Variants in RAP1A observed in about 807,000 individuals in gnomAD.
RAP1A encodes ras-related protein Rap-1A.
RAP1A carries 6 observed loss-of-function variants against 26.4 expected under a neutral mutation model. The ratio of observed to expected loss-of-function variants is 0.23; its 90% CI spans 0.12 to 0.45. The LOEUF is 0.45. Ranked by LOEUF, RAP1A falls within the 20% of genes least tolerant of loss-of-function variation. RAP1A has a pLI of 0.99. For synonymous variants in RAP1A, 73 were observed against 79.4 expected, an observed-to-expected ratio of 0.92 and a Z score of 0.43; for missense variants, 121 against 217.2, an observed-to-expected ratio of 0.56 and a Z score of 2.78.
intron 1 of RAP1A, chr1:111,600,036 T>C (rs1295959360): frequency 1.3e-5 from 2 of 155,594 alleles, no homozygotes; most frequent in Non-Finnish European, 1.4e-5. Flanking sequence ...TCCAAGATGA[T>C]TGTAAGCTTC....
At chr1:111,594,237 T>A (rs974581831) in intron 1 of RAP1A, among the ~76,000 whole-genome samples, 5 of 152,230 alleles carry the variant, frequency 3.3e-5, no homozygotes, top group African/African-American at 1.2e-4. Context: ...CTTTGGCAGC[T>A]AGAAAGAAAC....
chr1:111,702,230 A>G (rs996758976), intron 4 of RAP1A, among the ~76,000 whole-genome samples: 8 of 152,182 alleles, frequency 5.3e-5, no homozygotes, highest in African/African-American at 1.9e-4. Context: ...AAAAGATCCA[A>G]ACTGTATAGT....
intron 1 of RAP1A, among the ~76,000 whole-genome samples, chr1:111,605,711 A>C (rs1253937071): frequency 6.6e-6 from 1 of 152,192 alleles, no homozygotes; most frequent in Non-Finnish European, 1.5e-5. Context: ...GAACAAAGAA[A>C]ATTAGGCAAT....
chr1:111,646,819 G>A (rs184515101), intron 1 of RAP1A, among the ~76,000 whole-genome samples: 4 of 152,352 alleles, frequency 2.6e-5, no homozygotes, highest in East Asian at 1.9e-4. Flanking sequence ...GATTACAGGC[G>A]TGAGCCACCG....
At chr1:111,604,928 G>A (rs543861385) in intron 1 of RAP1A, among the ~76,000 whole-genome samples, 2 of 152,222 alleles carry the variant, frequency 1.3e-5, no homozygotes, top group African/African-American at 2.4e-5. Context: ...TTGCTTTGAG[G>A]TCTTTTGGGA....
intron 1 of RAP1A, among the ~76,000 whole-genome samples, chr1:111,687,366 C>A (rs982007009): frequency 6.6e-6 from 1 of 152,012 alleles, no homozygotes; most frequent in African/African-American, 2.4e-5. Context: ...TGCCACCATG[C>A]CCAGCTAATT....
intron 1 of RAP1A, among the ~76,000 whole-genome samples, chr1:111,596,231 TAA>T (rs916793145): frequency 6.7e-6 from 1 of 149,182 alleles, no homozygotes; most frequent in Non-Finnish European, 1.5e-5. Context: ...AGGATCCCTT[TAA>T]AAAAAAAATG....
chr1:111,646,315 C>T (rs1224745949), intron 1 of RAP1A, among the ~76,000 whole-genome samples: 1 of 151,256 alleles, frequency 6.6e-6, no homozygotes, highest in Non-Finnish European at 1.5e-5. Context: ...ATACCTCTGA[C>T]CATTTAATAG....
chr1:111,585,800 T>A (rs1658355535), intron 1 of RAP1A, among the ~76,000 whole-genome samples: 1 of 152,206 alleles, frequency 6.6e-6, no homozygotes, highest in African/African-American at 2.4e-5. Context: ...AAGACACATT[T>A]AATTATAAGA....
chr1:111,642,870 G>A (rs565729975), intron 1 of RAP1A, among the ~76,000 whole-genome samples: 1 of 145,464 alleles, frequency 6.9e-6, no homozygotes, highest in African/African-American at 2.6e-5. Flanking sequence ...CCTGGGTTCA[G>A]GTGATTCTCC....
chr1:111,606,844 AAG>A (rs1658793766), intron 1 of RAP1A, among the ~76,000 whole-genome samples: 1 of 152,206 alleles, frequency 6.6e-6, no homozygotes, highest in South Asian at 2.1e-4. Flanking sequence ...GTGAAATTTG[AAG>A]AGAGAACAAA....
At chr1:111,608,923 C>T (rs1032284996) in intron 1 of RAP1A, among the ~76,000 whole-genome samples, 3 of 152,212 alleles carry the variant, frequency 2.0e-5, no homozygotes, top group Non-Finnish European at 4.4e-5. Context: ...ATATCAATGT[C>T]TCACTGCTGA....
chr1:111,713,710 A>C lies in RAP1A; in HGVS notation c.*1309A>C, dbSNP rs1406213801. 1 of 152,218 alleles carries C rather than the reference A, an allele frequency of 6.6e-6. No homozygotes were observed. Among genetic ancestry groups the C allele is most frequent in the African/African-American group, 2.4e-5 (1 of 41,466 alleles). 9.4% of individuals were successfully genotyped at this position (152,218 alleles called of 1,614,324 possible). ...TGCTAAGTTAAAATTGTAGCTTCCTATATAGTGGTGCTTTTTCTTTTCCTT... is the reference window on the plus strand; with the variant it reads ...TGCTAAGTTAAAATTGTAGCTTCCTCTATAGTGGTGCTTTTTCTTTTCCTT... On this transcript the variant is annotated 3_prime_UTR_variant, in exon 8 of 8. Transcript: ENST00000369709.
chr1:111,614,168 T>C (rs1045055974), intron 1 of RAP1A, among the ~76,000 whole-genome samples: 3 of 152,340 alleles, frequency 2.0e-5, no homozygotes, highest in African/African-American at 4.8e-5. Context: ...TTTGTATAAA[T>C]TCATTTAATC....
chr1:111,708,772 CGT>C (rs1662279780), intron 6 of RAP1A, among the ~76,000 whole-genome samples: 2 of 151,900 alleles, frequency 1.3e-5, no homozygotes, highest in Non-Finnish European at 2.9e-5. Context: ...TGTGTGTGCA[CGT>C]GTGTGTGTAT....
intron 1 of RAP1A, among the ~76,000 whole-genome samples, chr1:111,558,325 G>A (rs374982004): frequency 2.0e-5 from 3 of 150,932 alleles, no homozygotes; most frequent in African/African-American, 4.9e-5. Flanking sequence ...CTACAGGCAC[G>A]TGCCACCACT....
intron 1 of RAP1A, among the ~76,000 whole-genome samples, chr1:111,572,354 A>T (rs1036025013): frequency 1.3e-5 from 2 of 152,240 alleles, no homozygotes; most frequent in African/African-American, 4.8e-5. Flanking sequence ...TGAAGCTGAG[A>T]TTAAGGAAAG....
intron 1 of RAP1A, among the ~76,000 whole-genome samples, chr1:111,643,003 C>G (rs1372121050): frequency 6.6e-6 from 1 of 152,012 alleles, no homozygotes; most frequent in Non-Finnish European, 1.5e-5. Context: ...AACTCCTGAT[C>G]TTGTGATCTG....
intron 1 of RAP1A, among the ~76,000 whole-genome samples, chr1:111,550,979 GTTC>G (rs1230014358): frequency 6.6e-6 from 1 of 151,278 alleles, no homozygotes; most frequent in Non-Finnish European, 1.5e-5. Flanking sequence ...ATTATAAAAT[GTTC>G]TTCTTTGTCT....
Sources: gnomAD v4.1 joint callset for allele counts (sites outside exome capture counted in the v4.1 genomes callset) on GRCh38, gnomAD v4.1.1 for gene constraint, MANE v1.5 for transcripts, NCBI Gene and HGNC (gene_info 2026-07-23, HGNC 2026-07-21) for gene names.